Variants in INSL6 observed in about 807,000 individuals in gnomAD.
INSL6 encodes the protein insulin-like peptide INSL6.
Under a neutral mutation model 9.4 loss-of-function variants are expected in INSL6, and 16 were observed. That is an observed-to-expected ratio of 1.70 (90% confidence interval 1.15 to 2.59). The LOEUF is 2.59. INSL6 is among the 30% of genes most tolerant of loss of function. INSL6 has a pLI of 0.00. For missense variants in INSL6, 391 were observed against 257.3 expected (o/e 1.52, Z -3.56); for synonymous variants, 154 against 96.9 (o/e 1.59, Z -3.46).
the INSL6 span, among the ~76,000 whole-genome samples, chr9:5,102,217 C>G: frequency 1.3e-5 from 2 of 152,246 alleles, no homozygotes; most frequent in South Asian, 4.1e-4. Flanking sequence ...GAGCTGAAAA[C>G]CATGGCATGA....
chr9:4,993,711 T>C, the INSL6 span, among the ~76,000 whole-genome samples: 172 of 152,312 alleles, frequency 1.1e-3, 1 homozygote, highest in African/African-American at 3.8e-3. Flanking sequence ...CCTTTACATG[T>C]GTGAACACAA....
At chr9:5,007,826 C>T in the INSL6 span, among the ~76,000 whole-genome samples, 1 of 151,810 alleles carries the variant, frequency 6.6e-6, no homozygotes, top group South Asian at 2.1e-4. Context: ...CTCCCAGGTT[C>T]AAGCAATTCT....
chr9:5,124,213 AT>A (rs1823828450), exon 4 of INSL6, among the ~76,000 whole-genome samples: 1 of 151,982 alleles, frequency 6.6e-6, no homozygotes. Context: ...TTTTAGCTTA[AT>A]AAAGTCTCAT....
the INSL6 span, among the ~76,000 whole-genome samples, chr9:5,063,614 G>C: frequency 3.9e-5 from 6 of 152,140 alleles, no homozygotes; most frequent in African/African-American, 1.2e-4. Flanking sequence ...TTAATTTAGA[G>C]AGGATTTTTA....
At chr9:5,145,342 ACTT>A (rs1188245209) in intron 2 of INSL6, among the ~76,000 whole-genome samples, 3 of 152,064 alleles carry the variant, frequency 2.0e-5, no homozygotes, top group African/African-American at 7.2e-5. Flanking sequence ...AGTAAGACAG[ACTT>A]CCCTTTATAG....
At chr9:5,041,114 C>A in the INSL6 span, 3 of 839,534 alleles carry the variant, frequency 3.6e-6, no homozygotes. Flanking sequence ...GACCTTCACG[C>A]CCAAGACGGT....
At chr9:5,080,272 A>G in the INSL6 span, 5 of 1,613,608 alleles carry the variant, frequency 3.1e-6, no homozygotes, top group East Asian at 2.2e-5. Flanking sequence ...AATGCATTGA[A>G]AATCCTAAAA....
chr9:5,111,238 C>G, the INSL6 span: 1 of 558,716 alleles, frequency 1.8e-6, no homozygotes, highest in East Asian at 4.3e-5. Context: ...GCCTATTCCT[C>G]CTTTGGTAGA....
At chr9:5,132,396 C>T (rs1824308641) in intron 3 of INSL6, among the ~76,000 whole-genome samples, 1 of 152,130 alleles carries the variant, frequency 6.6e-6, no homozygotes, top group Non-Finnish European at 1.5e-5. Flanking sequence ...TATTTTAAAA[C>T]TACTGTCCTA....
chr9:5,182,795 C>CA (rs1268446956), intron 1 of INSL6, among the ~76,000 whole-genome samples: 1 of 152,078 alleles, frequency 6.6e-6, no homozygotes, highest in East Asian at 1.9e-4. Context: ...GCACAATACT[C>CA]AGTCGTAATT....
intron 2 of INSL6, among the ~76,000 whole-genome samples, chr9:5,141,195 A>G (rs1306294902): frequency 6.6e-6 from 1 of 152,074 alleles, no homozygotes; most frequent in Non-Finnish European, 1.5e-5. Context: ...TAATAGAATG[A>G]TTTATATTTC....
intron 1 of INSL6, among the ~76,000 whole-genome samples, chr9:5,171,233 A>G (rs1269137177): frequency 6.6e-6 from 1 of 152,228 alleles, no homozygotes; most frequent in Non-Finnish European, 1.5e-5. Context: ...CTAAAGACAA[A>G]AACCACAAGA....
intron 2 of INSL6, among the ~76,000 whole-genome samples, chr9:5,139,159 G>T (rs1413478526): frequency 6.6e-6 from 1 of 152,116 alleles, no homozygotes; most frequent in African/African-American, 2.4e-5. Flanking sequence ...AAGACAATGT[G>T]CTCTTCTTCT....
the INSL6 span, among the ~76,000 whole-genome samples, chr9:5,018,985 CTCTTTG>C: frequency 6.6e-6 from 1 of 152,124 alleles, no homozygotes; most frequent in African/African-American, 2.4e-5. Context: ...CAACAGTTCT[CTCTTTG>C]TCTTTGACAA....
the INSL6 span, among the ~76,000 whole-genome samples, chr9:5,084,322 C>T: frequency 1.3e-5 from 2 of 151,980 alleles, no homozygotes; most frequent in Non-Finnish European, 2.9e-5. Flanking sequence ...TTGATGTGTT[C>T]AGTGGTTTGT....
the INSL6 span, among the ~76,000 whole-genome samples, chr9:5,032,947 C>T: frequency 6.6e-6 from 1 of 152,094 alleles, no homozygotes; most frequent in Non-Finnish European, 1.5e-5. Context: ...CAAACTACTC[C>T]AAGCTAAAGG....
rs1264771446 is a variant in INSL6 at position 5,180,546 on chromosome 9, G to C, written c.289+4768C>G. Among the ~76,000 whole-genome samples, 4 of 152,196 alleles carry C rather than the reference G, an allele frequency of 2.6e-5. No individual in the cohort carries two copies. In the East Asian group the frequency reaches 7.7e-4, roughly 29 times the overall value. On this transcript the variant is annotated intron_variant, in intron 1 of 1. Coordinates refer to ENST00000381641, the MANE Select transcript of INSL6 (RefSeq NM_007179.3). Reference sequence around the variant, plus strand: ...ACTACTGGAGGGAGGTCTATAAACAGCCGCTTCGGGAATGTCTGTCTTATG... The same window carrying C: ...ACTACTGGAGGGAGGTCTATAAACACCCGCTTCGGGAATGTCTGTCTTATG...
chr9:5,101,036 G>C, the INSL6 span: 1 of 152,300 alleles, frequency 6.6e-6, no homozygotes, highest in African/African-American at 2.4e-5. Context: ...TGGTTGGACA[G>C]GGGGTGCAGC....
chr9:5,060,670 T>A, the INSL6 span, among the ~76,000 whole-genome samples: 1 of 152,220 alleles, frequency 6.6e-6, no homozygotes, highest in Non-Finnish European at 1.5e-5. Context: ...ATTGAAGTCG[T>A]GAACCCCTCA....
Sources: gnomAD v4.1 joint callset for allele counts (sites outside exome capture counted in the v4.1 genomes callset) on GRCh38, gnomAD v4.1.1 for gene constraint, MANE v1.5 for transcripts, NCBI Gene and HGNC (gene_info 2026-07-23, HGNC 2026-07-21) for gene names.